Variants in ADK observed in about 807,000 individuals in gnomAD.
ADK encodes adenosine kinase.
Under a neutral mutation model 44.7 loss-of-function variants are expected in ADK, and 24 were observed. The observed-to-expected ratio is 0.54, with a 90% confidence interval of 0.39 to 0.76. The LOEUF (loss-of-function observed/expected upper bound fraction) is 0.76, where lower values mean the gene tolerates loss of function less well. Ranked by LOEUF, ADK falls within the 30% of genes least tolerant of loss-of-function variation. The probability of loss-of-function intolerance (pLI) is 0.00; values close to 1 mark genes in which losing one functional copy is unlikely to be tolerated. For synonymous variants in ADK, 128 were observed against 142.6 expected (o/e 0.90, Z 0.73); for missense variants, 321 against 425.1 (o/e 0.76, Z 2.15).
At chr10:74,365,342 A>C (rs745622055) in intron 4 of ADK, among the ~76,000 whole-genome samples, 2 of 152,144 alleles carry the variant, frequency 1.3e-5, no homozygotes, top group African/African-American at 4.8e-5. Flanking sequence ...GGGTTTACCT[A>C]TTCTGGAGGT....
At chr10:74,595,944 C>T in intron 8 of ADK, among the ~76,000 whole-genome samples, 1 of 145,852 alleles carries the variant, frequency 6.9e-6, no homozygotes, top group East Asian at 2.1e-4. Context: ...TTGCAGTGAG[C>T]CAAGATCGCA....
chr10:74,159,201 T>C (rs1166916438), intron 1 of ADK, among the ~76,000 whole-genome samples: 1 of 152,254 alleles, frequency 6.6e-6, no homozygotes, highest in African/African-American at 2.4e-5. Context: ...TATTTGCATT[T>C]TTACTTTCAT....
chr10:74,524,679 C>G (rs1231939635), intron 6 of ADK, among the ~76,000 whole-genome samples: 1 of 152,144 alleles, frequency 6.6e-6, no homozygotes, highest in Non-Finnish European at 1.5e-5. Context: ...AGGTGTGATT[C>G]ATTGTACCCA....
At chr10:74,463,120 T>C (rs1450633113) in intron 6 of ADK, among the ~76,000 whole-genome samples, 1 of 152,126 alleles carries the variant, frequency 6.6e-6, no homozygotes, top group Non-Finnish European at 1.5e-5. Flanking sequence ...CTTTACTATT[T>C]ATTAGATTCA....
chr10:74,676,647 CA>C (rs1208995669), intron 10 of ADK, among the ~76,000 whole-genome samples: 1 of 151,982 alleles, frequency 6.6e-6, no homozygotes, highest in East Asian at 1.9e-4. Context: ...TTTGTAGAGA[CA>C]GAGTCTCACT....
intron 10 of ADK, among the ~76,000 whole-genome samples, chr10:74,694,963 T>A (rs1035916764): frequency 7.9e-5 from 12 of 152,088 alleles, no homozygotes; most frequent in Non-Finnish European, 1.5e-4. Context: ...TTTTTTTTTT[T>A]AATATAGAGT....
intron 1 of ADK, among the ~76,000 whole-genome samples, chr10:74,200,379 G>A (rs1430198563): frequency 1.3e-5 from 2 of 151,376 alleles, no homozygotes; most frequent in African/African-American, 2.4e-5. Flanking sequence ...AGCTACTCAG[G>A]AGGCTGAGGC....
chr10:74,232,548 ACCC>A lies in ADK; in HGVS notation c.194+7967_194+7969del, dbSNP rs771970272. 5.9e-3 allele frequency among the ~76,000 whole-genome samples: 378 copies of A among 64,462 alleles called. 8 individuals are homozygous for A. Among genetic ancestry groups the A allele is most frequent in the African/African-American group, 0.018 (336 of 18,798 alleles). The allele number at this position is 64,462 out of a possible 152,430, so 42.3% of individuals were successfully genotyped here. A position where few individuals can be genotyped will look rare whatever the true frequency, so the allele number is the denominator to read the frequency against. ...AAAAACAAACAAACAACCCCCCCGC[ACCC>A]CCCCCCCCCAAAAAAAAACAAACAG... On this transcript the variant is annotated intron_variant, in intron 3 of 10. Coordinates refer to ENST00000539909, the MANE Select transcript of ADK (RefSeq NM_006721.4).
chr10:74,306,923 G>A (rs1295818180), intron 3 of ADK, among the ~76,000 whole-genome samples: 1 of 152,170 alleles, frequency 6.6e-6, no homozygotes, highest in Non-Finnish European at 1.5e-5. Flanking sequence ...TGTCAAAGGG[G>A]AAAATGATCT....
intron 3 of ADK, among the ~76,000 whole-genome samples, chr10:74,285,342 TA>T (rs1158201082): frequency 1.3e-5 from 2 of 152,164 alleles, no homozygotes; most frequent in Non-Finnish European, 2.9e-5. Context: ...TATTTGTGAA[TA>T]GTCTTTGTAC....
At chr10:74,512,120 G>A (rs908174614) in intron 6 of ADK, among the ~76,000 whole-genome samples, 7 of 152,016 alleles carry the variant, frequency 4.6e-5, no homozygotes, top group Non-Finnish European at 8.8e-5. Flanking sequence ...GTGACATATG[G>A]TGGACCATCT....
rs181791522 is a variant in ADK at position 74,153,378 on chromosome 10, G to T, written c.65+2035G>T. ...TACATAGGACAACCCCCACAACAAA[G>T]AATTATCTGGCCAAATACGTCAACG... is the stretch of plus-strand genomic sequence containing the variant. On this transcript the variant is annotated intron_variant, in intron 1 of 10. Transcript: ENST00000539909. 4.1e-4 allele frequency among the ~76,000 whole-genome samples: 63 copies of T among 152,292 alleles called. No individual in the cohort carries two copies. The East Asian group carries it at 0.012, about 28-fold the overall frequency.
chr10:74,699,950 A>G (rs1306572505), intron 10 of ADK, among the ~76,000 whole-genome samples: 1 of 152,170 alleles, frequency 6.6e-6, no homozygotes, highest in Non-Finnish European at 1.5e-5. Context: ...GAAAATCCTT[A>G]AACCTCTATG....
chr10:74,184,911 T>C (rs1330797234), intron 1 of ADK, among the ~76,000 whole-genome samples: 1 of 152,194 alleles, frequency 6.6e-6, no homozygotes, highest in Non-Finnish European at 1.5e-5. Flanking sequence ...ACATTTTTAT[T>C]GTATGGAGAG....
chr10:74,688,917 CAG>C (rs1005335148), intron 10 of ADK, among the ~76,000 whole-genome samples: 2 of 146,054 alleles, frequency 1.4e-5, no homozygotes, highest in Non-Finnish European at 3.0e-5. Flanking sequence ...AATCCAGAAA[CAG>C]AGAGACTGAT....
chr10:74,234,337 A>T (rs1200151315), intron 3 of ADK, among the ~76,000 whole-genome samples: 3 of 152,238 alleles, frequency 2.0e-5, no homozygotes, highest in Non-Finnish European at 4.4e-5. Flanking sequence ...TGTGAAGCAG[A>T]TATTGTAATC....
chr10:74,405,870 T>C (rs923466159), intron 6 of ADK, among the ~76,000 whole-genome samples: 2 of 152,170 alleles, frequency 1.3e-5, no homozygotes, highest in Non-Finnish European at 2.9e-5. Flanking sequence ...TCTATTTTTT[T>C]TTCCTCTTAA....
intron 9 of ADK, among the ~76,000 whole-genome samples, chr10:74,632,414 G>A (rs564209683): frequency 6.6e-6 from 1 of 152,250 alleles, no homozygotes; most frequent in Non-Finnish European, 1.5e-5. Context: ...CAGTTCTGAA[G>A]GCTAGAAGTC....
chr10:74,534,501 C>G (rs1371788727), intron 7 of ADK, among the ~76,000 whole-genome samples: 1 of 152,056 alleles, frequency 6.6e-6, no homozygotes, highest in African/African-American at 2.4e-5. Flanking sequence ...TTTGATAGTC[C>G]TGGGTTCTAA....
Sources: gnomAD v4.1 joint callset for allele counts (sites outside exome capture counted in the v4.1 genomes callset) on GRCh38, gnomAD v4.1.1 for gene constraint, MANE v1.5 for transcripts, NCBI Gene and HGNC (gene_info 2026-07-23, HGNC 2026-07-21) for gene names.